Variants in GRID1 observed in about 807,000 individuals in gnomAD.
GRID1 encodes glutamate ionotropic receptor delta type subunit 1, also known as glutamate receptor ionotropic, delta-1.
In GRID1, 28 loss-of-function variants were observed where a neutral mutation model predicts 98.0. The ratio of observed to expected loss-of-function variants is 0.29; its 90% CI spans 0.21 to 0.39. GRID1 has a LOEUF of 0.39. GRID1 is among the 10% of genes least tolerant of loss of function. The pLI is 1.00. For synonymous variants in GRID1, 553 were observed against 538.5 expected (o/e 1.03, Z -0.37); for missense variants, 1,111 against 1,340.5 (o/e 0.83, Z 2.67).
intron 2 of GRID1, among the ~76,000 whole-genome samples, chr10:86,275,859 T>C (rs535073242): frequency 6.6e-6 from 1 of 152,260 alleles, no homozygotes; most frequent in South Asian, 2.1e-4. Context: ...AAGAAGAATA[T>C]TTGAAGAAAT....
chr10:86,087,222 ATG>A (rs1235019259), intron 4 of GRID1, among the ~76,000 whole-genome samples: 1 of 151,862 alleles, frequency 6.6e-6, no homozygotes, highest in Admixed American at 6.6e-5. Context: ...AGATGGATGG[ATG>A]TGTGTGTGTC....
At chr10:85,988,937 G>A (rs541397026) in intron 4 of GRID1, among the ~76,000 whole-genome samples, 9 of 152,220 alleles carry the variant, frequency 5.9e-5, no homozygotes, top group Non-Finnish European at 1.2e-4. Flanking sequence ...ACCTTTTGGG[G>A]CCACATGGGG....
At chr10:85,860,738 G>C (rs749892532) in intron 6 of GRID1, among the ~76,000 whole-genome samples, 16 of 152,226 alleles carry the variant, frequency 1.1e-4, no homozygotes, top group Non-Finnish European at 2.4e-4. Flanking sequence ...CTCCACAGTA[G>C]TGCGTGGATA....
chr10:86,008,821 G>C (rs1454432420), intron 4 of GRID1, among the ~76,000 whole-genome samples: 1 of 152,160 alleles, frequency 6.6e-6, no homozygotes, highest in African/African-American at 2.4e-5. Flanking sequence ...CAATTTGGGA[G>C]TTTTTTGGTT....
At chr10:85,887,043 C>G (rs181980092) in intron 5 of GRID1, among the ~76,000 whole-genome samples, 8 of 152,262 alleles carry the variant, frequency 5.3e-5, no homozygotes, top group East Asian at 1.9e-4. Flanking sequence ...TGTCAGTAAT[C>G]TAAGTTGATG....
chr10:86,336,388 G>A (rs1168304572), intron 2 of GRID1, among the ~76,000 whole-genome samples: 6 of 152,222 alleles, frequency 3.9e-5, no homozygotes, highest in Non-Finnish European at 7.3e-5. Context: ...CCAGGAAACA[G>A]AAGGCTGGGA....
chr10:86,209,255 A>G (rs1340729805), intron 2 of GRID1, among the ~76,000 whole-genome samples: 1 of 152,252 alleles, frequency 6.6e-6, no homozygotes, highest in Non-Finnish European at 1.5e-5. Flanking sequence ...TCCTTTTAAA[A>G]AGAAAAATAA....
chr10:86,105,001 C>T (rs1844359962), intron 4 of GRID1, among the ~76,000 whole-genome samples: 3 of 152,216 alleles, frequency 2.0e-5, no homozygotes, highest in Non-Finnish European at 2.9e-5. Context: ...GATTAATTCA[C>T]CTGACAAATC....
At chr10:86,269,226 C>T (rs539831481) in intron 2 of GRID1, among the ~76,000 whole-genome samples, 2 of 152,158 alleles carry the variant, frequency 1.3e-5, no homozygotes, top group Admixed American at 1.3e-4. Context: ...GGGTGGCTAA[C>T]CTTTGATTAG....
intron 13 of GRID1, among the ~76,000 whole-genome samples, chr10:85,620,601 G>A (rs146948685): frequency 5.9e-5 from 9 of 152,280 alleles, no homozygotes; most frequent in Middle Eastern, 3.4e-3. Flanking sequence ...CATGTCTAGA[G>A]CCCCCTGTGC....
At chr10:85,607,220 C>T (rs1349745398) in intron 15 of GRID1, 4 of 152,238 alleles carry the variant, frequency 2.6e-5, no homozygotes, top group Admixed American at 2.0e-4. Context: ...CGGTAATTAA[C>T]TAAACTATCA....
At chr10:86,294,560 G>A (rs184362213) in intron 2 of GRID1, among the ~76,000 whole-genome samples, 7 of 152,250 alleles carry the variant, frequency 4.6e-5, no homozygotes, top group Admixed American at 1.3e-4. Flanking sequence ...GAGTGCAGGG[G>A]ACCCCAAGGC....
chr10:86,239,770 G>A (rs1366812922), intron 2 of GRID1, among the ~76,000 whole-genome samples: 1 of 152,100 alleles, frequency 6.6e-6, no homozygotes, highest in Admixed American at 6.6e-5. Flanking sequence ...CGTTTTCAGA[G>A]GCCTCCTAAC....
At chr10:85,985,163 C>G (rs984516368) in intron 4 of GRID1, among the ~76,000 whole-genome samples, 30 of 152,194 alleles carry the variant, frequency 2.0e-4, no homozygotes, top group African/African-American at 6.8e-4. Flanking sequence ...ATTAGAACCA[C>G]TGGCATACAC....
rs369374059 is a variant in GRID1 at position 86,365,113 on chromosome 10, G to A, written c.80-1017C>T. On this transcript the variant is annotated intron_variant, in intron 1 of 15. Coordinates refer to ENST00000327946, the MANE Select transcript of GRID1 (RefSeq NM_017551.3). The surrounding 1 kb of genome is among the most constrained non-coding windows in gnomAD (Gnocchi z 4.8). ...GAGGCCCGGATTCCTCACTACACCC[G>A]GAGCCGGCGCCGCAATGCTGACCGC... 3.4e-3 allele frequency among the ~76,000 whole-genome samples: 512 copies of A among 152,168 alleles called. 1 individual carries two copies. The highest frequency in any genetic ancestry group is 0.012 in the African/African-American group (485 of 41,512).
At chr10:86,165,609 T>A (rs1845387706) in intron 3 of GRID1, among the ~76,000 whole-genome samples, 1 of 152,142 alleles carries the variant, frequency 6.6e-6, no homozygotes, top group Non-Finnish European at 1.5e-5. Flanking sequence ...GGGTGGTAAG[T>A]CGTTTCCAGT....
intron 4 of GRID1, among the ~76,000 whole-genome samples, chr10:86,030,967 G>T (rs1011590251): frequency 1.3e-5 from 2 of 151,998 alleles, no homozygotes; most frequent in Non-Finnish European, 2.9e-5. Context: ...TGCCTTCTGC[G>T]TGCACTATGT....
At chr10:86,060,599 C>T (rs1182443028) in intron 4 of GRID1, among the ~76,000 whole-genome samples, 1 of 152,250 alleles carries the variant, frequency 6.6e-6, no homozygotes, top group African/African-American at 2.4e-5. Flanking sequence ...GCCCGGGTCA[C>T]TTAACCATGT....
At chr10:85,750,542 G>C (rs1179350177) in intron 8 of GRID1, among the ~76,000 whole-genome samples, 1 of 152,152 alleles carries the variant, frequency 6.6e-6, no homozygotes, top group African/African-American at 2.4e-5. Flanking sequence ...TAAAAAGCAA[G>C]TTGTCATGTT....
Sources: allele counts gnomAD v4.1 joint callset (sites outside exome capture counted in the v4.1 genomes callset), GRCh38; gene constraint gnomAD v4.1.1; non-coding constraint Gnocchi (gnomAD v3.1); transcripts MANE v1.5; gene names NCBI Gene and HGNC (gene_info 2026-07-23, HGNC 2026-07-21).